RCAN2: variants seen among roughly 807,000 people sequenced by gnomAD.
RCAN2 encodes the protein regulator of calcineurin 2.
Under a neutral mutation model 23.6 loss-of-function variants are expected in RCAN2, and 9 were observed. The ratio of observed to expected loss-of-function variants is 0.38; its 90% confidence interval spans 0.23 to 0.67. RCAN2 has a LOEUF of 0.67. Ranked by LOEUF, RCAN2 falls within the 30% of genes least tolerant of loss-of-function variation. The probability of loss-of-function intolerance (pLI) is 0.51; values close to 1 mark genes in which losing one functional copy is unlikely to be tolerated. For missense variants in RCAN2, 273 were observed against 302.3 expected, an observed-to-expected ratio of 0.90 and a Z score of 0.72; for synonymous variants, 109 against 115.7, an observed-to-expected ratio of 0.94 and a Z score of 0.37.
At chr6:46,436,748 A>C (rs1442418915) in intron 2 of RCAN2, among the ~76,000 whole-genome samples, 2 of 152,162 alleles carry the variant, frequency 1.3e-5, no homozygotes, top group Non-Finnish European at 2.9e-5. Flanking sequence ...CACAACTAAT[A>C]AGCAGTGGAA....
At chr6:46,287,375 G>A (rs1762408955) in intron 2 of RCAN2, among the ~76,000 whole-genome samples, 1 of 152,204 alleles carries the variant, frequency 6.6e-6, no homozygotes, top group African/African-American at 2.4e-5. Context: ...ACTGTGCTGG[G>A]CACTTTGTGA....
chr6:46,307,444 A>T (rs1763107412), intron 2 of RCAN2, among the ~76,000 whole-genome samples: 1 of 152,098 alleles, frequency 6.6e-6, no homozygotes, highest in Admixed American at 6.6e-5. Context: ...TGTGAGGGGA[A>T]GTTAAGAGAG....
chr6:46,399,897 G>A (rs776392124), intron 2 of RCAN2, among the ~76,000 whole-genome samples: 1 of 152,118 alleles, frequency 6.6e-6, no homozygotes, highest in Non-Finnish European at 1.5e-5. Context: ...GTTCTGGATG[G>A]ACATATCTTC....
chr6:46,316,305 C>CTG (rs926823816), intron 2 of RCAN2, among the ~76,000 whole-genome samples: 18 of 152,304 alleles, frequency 1.2e-4, no homozygotes, highest in African/African-American at 4.3e-4. Flanking sequence ...ATGCATTTAG[C>CTG]CATCACCACC....
intron 1 of RCAN2, among the ~76,000 whole-genome samples, chr6:46,464,913 C>CAAAAAAA (rs5875967): frequency 7.2e-6 from 1 of 139,856 alleles, no homozygotes; most frequent in African/African-American, 2.7e-5. Flanking sequence ...TTATGAAGTG[C>CAAAAAAA]AAAAAAAAAA....
intron 2 of RCAN2, among the ~76,000 whole-genome samples, chr6:46,451,248 T>C (rs1023678901): frequency 2.0e-5 from 3 of 152,158 alleles, no homozygotes; most frequent in African/African-American, 7.2e-5. Flanking sequence ...TGAGGAGTGA[T>C]ATGTTTGGCA....
chr6:46,306,433 G>C (rs576767818), intron 2 of RCAN2, among the ~76,000 whole-genome samples: 1 of 152,114 alleles, frequency 6.6e-6, no homozygotes, highest in African/African-American at 2.4e-5. Context: ...ATAAATGCAC[G>C]CTTTCCAAAG....
chr6:46,288,292 T>C (rs1268573456), intron 2 of RCAN2, among the ~76,000 whole-genome samples: 4 of 152,226 alleles, frequency 2.6e-5, no homozygotes, highest in Non-Finnish European at 5.9e-5. Flanking sequence ...TTTTGGAGAG[T>C]AGACCAGCTT....
intron 2 of RCAN2, among the ~76,000 whole-genome samples, chr6:46,298,903 TAC>T (rs1762816170): frequency 6.6e-6 from 1 of 152,094 alleles, no homozygotes. Flanking sequence ...GTGCTTTATA[TAC>T]CCCATGGAAT....
At chr6:46,471,976 C>T (rs16874639) in intron 1 of RCAN2, among the ~76,000 whole-genome samples, 12,175 of 152,192 alleles carry the variant, frequency 0.08, 745 homozygotes, top group Admixed American at 0.18. Context: ...TCCCAGGACT[C>T]GGCGACTTGC....
At chr6:46,240,665 T>C (rs1310852556) in intron 4 of RCAN2, among the ~76,000 whole-genome samples, 3 of 152,162 alleles carry the variant, frequency 2.0e-5, no homozygotes, top group Non-Finnish European at 4.4e-5. Context: ...ATAATATTCA[T>C]ACCACATGCA....
chr6:46,453,929 T>C (rs1048140600), intron 2 of RCAN2, among the ~76,000 whole-genome samples: 1 of 152,200 alleles, frequency 6.6e-6, no homozygotes, highest in African/African-American at 2.4e-5. Flanking sequence ...CTCGTAAACC[T>C]TGGAAATGAA....
At chr6:46,460,626 A>G (rs1201231818) in intron 1 of RCAN2, among the ~76,000 whole-genome samples, 1 of 152,188 alleles carries the variant, frequency 6.6e-6, no homozygotes, top group Non-Finnish European at 1.5e-5. Flanking sequence ...CCTCCAATGC[A>G]GCTACTATTG....
chr6:46,365,062 G>A (rs1765129065), intron 2 of RCAN2, among the ~76,000 whole-genome samples: 1 of 152,054 alleles, frequency 6.6e-6, no homozygotes, highest in Non-Finnish European at 1.5e-5. Context: ...ATCGCACTTT[G>A]ATACTTCCTA....
At chr6:46,250,905 T>C (rs562648598) in intron 2 of RCAN2, among the ~76,000 whole-genome samples, 1 of 152,274 alleles carries the variant, frequency 6.6e-6, no homozygotes, top group South Asian at 2.1e-4. Flanking sequence ...CAAGCCCATG[T>C]TGGTGATGAT....
chr6:46,368,374 T>C (rs1393945941), intron 2 of RCAN2, among the ~76,000 whole-genome samples: 2 of 152,196 alleles, frequency 1.3e-5, no homozygotes, highest in Admixed American at 1.3e-4. Context: ...TCAAGCTCCA[T>C]ACGATAGCTC....
intron 2 of RCAN2, among the ~76,000 whole-genome samples, chr6:46,396,817 A>G (rs1766102956): frequency 6.6e-6 from 1 of 152,182 alleles, no homozygotes; most frequent in South Asian, 2.1e-4. Flanking sequence ...TCCAAATAGT[A>G]AATAGTAATC....
chr6:46,239,886 G>T (rs2150313264), intron 4 of RCAN2, among the ~76,000 whole-genome samples: 1 of 152,174 alleles, frequency 6.6e-6, no homozygotes, highest in Admixed American at 6.5e-5. Flanking sequence ...GTACTTTATG[G>T]GATCAACTGA....
chr6:46,361,288 CTG>C (rs1329498790), intron 2 of RCAN2, among the ~76,000 whole-genome samples: 1 of 152,170 alleles, frequency 6.6e-6, no homozygotes, highest in African/African-American at 2.4e-5. Flanking sequence ...GCTGAAACCT[CTG>C]TGCACAAGAA....
Sources: gnomAD v4.1 joint callset for allele counts (sites outside exome capture counted in the v4.1 genomes callset) on GRCh38, gnomAD v4.1.1 for gene constraint, MANE v1.5 for transcripts, NCBI Gene and HGNC (gene_info 2026-07-23, HGNC 2026-07-21) for gene names.